The following LRP1B variants were observed in gnomAD, a reference collection of about 807,000 sequenced individuals.
LRP1B encodes LDL receptor related protein 1B, also known as low-density lipoprotein receptor-related protein 1B.
A neutral mutation model predicts 556.6 loss-of-function variants in LRP1B; 217 were observed. The observed-to-expected ratio is 0.39, with a 90% CI of 0.35 to 0.44. The LOEUF (loss-of-function observed/expected upper bound fraction) is 0.44, where lower values mean the gene tolerates loss of function less well. LRP1B is among the 20% of genes least tolerant of loss of function. The pLI is 1.00. For missense variants in LRP1B, 5,053 were observed against 5,620.8 expected (o/e 0.90, Z 3.23); for synonymous variants, 2,047 against 1,865.8 (o/e 1.10, Z -2.50).
chr2:141,808,422 G>C (rs2890600), intron 2 of LRP1B, among the ~76,000 whole-genome samples: 27,989 of 152,058 alleles, frequency 0.18, 3,044 homozygotes, highest in East Asian at 0.4. Flanking sequence ...TTGAAAAGGA[G>C]AGGGCTAAAG....
intron 3 of LRP1B, among the ~76,000 whole-genome samples, chr2:141,471,288 T>TTTTTTTTTTTTTTTTG (rs1682463427): frequency 9.9e-6 from 1 of 100,700 alleles, no homozygotes; most frequent in Non-Finnish European, 2.4e-5. Context: ...TTTTTTTTTT[T>TTTTTTTTTTTTTTTTG]TTTTTTACTC....
rs1700721166 is a variant in LRP1B at position 141,110,433 on chromosome 2, CAA to C, written c.1014-48162_1014-48161del. The stretch of plus-strand genomic sequence containing the variant: ...ATTAAACTGCCAAAGGACAGATTAA[CAA>C]GAGAAGGAAAAGTTTGCTCATATGC... On this transcript the variant is annotated intron_variant, in intron 7 of 90. Transcript: ENST00000389484. Among the ~76,000 whole-genome samples the C allele has an allele frequency of 2.6e-5, 4 of 152,020 alleles. No homozygotes were observed. In the South Asian group the frequency reaches 8.3e-4, roughly 32 times the overall value.
chr2:140,947,907 C>A (rs1695589352), intron 20 of LRP1B, among the ~76,000 whole-genome samples: 1 of 152,066 alleles, frequency 6.6e-6, no homozygotes, highest in Admixed American at 6.6e-5. Flanking sequence ...GAGATATATG[C>A]CATTCACATT....
At chr2:140,850,432 A>C in intron 28 of LRP1B, 103 bp from the exon 29 acceptor site, 2 of 625,388 alleles carry the variant, frequency 3.2e-6, no homozygotes, top group Non-Finnish European at 5.5e-6. Flanking sequence ...ACTCCCAAAA[A>C]TCACAATCAA....
At chr2:141,528,735 A>G (rs1042520694) in intron 2 of LRP1B, among the ~76,000 whole-genome samples, 2 of 152,116 alleles carry the variant, frequency 1.3e-5, no homozygotes, top group African/African-American at 4.8e-5. Flanking sequence ...GCCCCTGGAA[A>G]TGTTAAGTAC....
intron 1 of LRP1B, among the ~76,000 whole-genome samples, chr2:141,840,356 C>CG (rs1198700405): frequency 2.0e-5 from 3 of 149,758 alleles, no homozygotes; most frequent in Non-Finnish European, 4.4e-5. Flanking sequence ...TTCCGCCTCC[C>CG]GGGTTCACGC....
At position 140,234,856 on chromosome 2, in the gene LRP1B, G is replaced by A. The variant is rs1329483370; in HGVS notation, c.13589C>T (p.Ala4530Val). Residue 4530 changes from alanine (A) to valine (V), a missense_variant, in exon 90 of 91, where the codon GCT becomes GTT. Physicochemically the swap from Ala to Val is moderately conservative, Grantham distance 64. Transcript: ENST00000389484. ...CGGCGCTGTGTGTGGAAGCTTGAAA[G>A]CACTGGGTCCTCCCCCTATGTACCT... Reference protein sequence around the residue: ...KARYIGGGPSAFKLPHTAPPI... With the variant: ...KARYIGGGPSVFKLPHTAPPI... 1.3e-6 allele frequency: 1 copy of A among 775,616 alleles called. No individual in the cohort carries two copies. Among genetic ancestry groups the A allele is most frequent in the East Asian group, 2.4e-5 (1 of 40,974 alleles). The allele number at this position is 775,616 out of a possible 1,614,324, so 48.0% of individuals were successfully genotyped here.
chr2:140,629,306 G>A (rs908105143), intron 41 of LRP1B, among the ~76,000 whole-genome samples: 16 of 151,216 alleles, frequency 1.1e-4, no homozygotes, highest in Middle Eastern at 3.4e-3. Context: ...GGCCTGTAGC[G>A]ATCCACCCCC....
intron 18 of LRP1B, among the ~76,000 whole-genome samples, chr2:140,960,653 C>T (rs2105314486): frequency 6.6e-6 from 1 of 151,920 alleles, no homozygotes; most frequent in South Asian, 2.1e-4. Context: ...CCTAGTCATG[C>T]CTGATAGCTC....
intron 89 of LRP1B, among the ~76,000 whole-genome samples, 199 bp downstream of exon 89, chr2:140,237,953 A>T (rs917881797): frequency 2.0e-5 from 3 of 150,852 alleles, no homozygotes; most frequent in Admixed American, 1.3e-4. Context: ...GTTTTCTAAG[A>T]TGTGTTACAC....
intron 84 of LRP1B, among the ~76,000 whole-genome samples, chr2:140,279,177 C>A (rs1682813700): frequency 6.6e-6 from 1 of 151,968 alleles, no homozygotes; most frequent in Non-Finnish European, 1.5e-5. Flanking sequence ...CAGGAGAAAG[C>A]AGATCTTAAT....
intron 1 of LRP1B, among the ~76,000 whole-genome samples, chr2:142,048,238 G>C (rs1704326431): frequency 6.6e-6 from 1 of 152,064 alleles, no homozygotes; most frequent in Non-Finnish European, 1.5e-5. Flanking sequence ...AATTATAAAT[G>C]TCCATTTATT....
intron 72 of LRP1B, among the ~76,000 whole-genome samples, chr2:140,362,408 C>T (rs770576049): frequency 1.3e-5 from 2 of 151,690 alleles, no homozygotes; most frequent in Admixed American, 1.3e-4. Context: ...TACATGTTCT[C>T]CTCTACTTAC....
intron 66 of LRP1B, among the ~76,000 whole-genome samples, chr2:140,440,915 GTGTCAAATAACCC>G (rs1223489219): frequency 6.6e-6 from 1 of 152,058 alleles, no homozygotes; most frequent in Non-Finnish European, 1.5e-5. Flanking sequence ...AGATGCTTTG[GTGTCAAATAACCC>G]TGTTATTTGA....
chr2:141,435,252 G>A (rs1284995404), intron 3 of LRP1B, among the ~76,000 whole-genome samples: 1 of 152,050 alleles, frequency 6.6e-6, no homozygotes, highest in Non-Finnish European at 1.5e-5. Context: ...TGCCCACTCC[G>A]TGTTGATGGA....
intron 23 of LRP1B, among the ~76,000 whole-genome samples, chr2:140,895,626 CT>C (rs1279025014): frequency 6.6e-6 from 1 of 152,160 alleles, no homozygotes; most frequent in Non-Finnish European, 1.5e-5. Context: ...TGACAACCCC[CT>C]GTAACCTGAG....
At chr2:141,298,940 G>A (rs186647365) in intron 3 of LRP1B, among the ~76,000 whole-genome samples, 202 of 128,320 alleles carry the variant, frequency 1.6e-3, no homozygotes, top group African/African-American at 5.1e-3. Context: ...GGTGACAAGA[G>A]CAAAACTCCA....
chr2:141,998,221 T>G (rs949656825), intron 1 of LRP1B, among the ~76,000 whole-genome samples: 1 of 152,064 alleles, frequency 6.6e-6, no homozygotes, highest in Non-Finnish European at 1.5e-5. Flanking sequence ...TCTTAGTAGA[T>G]TTCTATAATT....
In LRP1B at chr2:141,751,581, C is replaced by G. The variant is rs540370289; in HGVS notation, c.205+58698G>C. ...AGTAAGCAGAGCAAACTAGTCATGG[C>G]AGAACTTAAATCTAACTATATCACA... On this transcript the variant is annotated intron_variant, in intron 2 of 90. Coordinates refer to ENST00000389484, the MANE Select transcript of LRP1B (RefSeq NM_018557.3). Among the ~76,000 whole-genome samples, 13 of 152,058 alleles carry G rather than the reference C, an allele frequency of 8.5e-5. No homozygotes were observed. In the East Asian group the frequency reaches 2.1e-3, roughly 25 times the overall value.
Sources: allele counts gnomAD v4.1 joint callset (sites outside exome capture counted in the v4.1 genomes callset), GRCh38; gene constraint gnomAD v4.1.1; transcripts MANE v1.5; gene names NCBI Gene and HGNC (gene_info 2026-07-23, HGNC 2026-07-21).